Variants in DNAJC16 observed in about 807,000 individuals in gnomAD.
The protein encoded by DNAJC16 is dnaJ homolog subfamily C member 16.
A neutral mutation model predicts 92.7 loss-of-function variants in DNAJC16; 76 were observed. The observed-to-expected ratio is 0.82, with a 90% CI of 0.68 to 0.99. DNAJC16 has a LOEUF of 0.99. Ranked by LOEUF, DNAJC16 falls within the 50% of genes least tolerant of loss-of-function variation. The probability of loss-of-function intolerance (pLI) is 0.00; values close to 1 mark genes in which losing one functional copy is unlikely to be tolerated. For synonymous variants in DNAJC16, 328 were observed against 358.7 expected (o/e 0.91, Z 0.97); for missense variants, 869 against 942.4 (o/e 0.92, Z 1.02).
chr1:15,553,400 A>C (rs901713403), intron 7 of DNAJC16, among the ~76,000 whole-genome samples: 4 of 150,254 alleles, frequency 2.7e-5, no homozygotes, highest in Admixed American at 2.7e-4. Flanking sequence ...CGCCCAGCTA[A>C]TTTTTGTATT....
intron 7 of DNAJC16, among the ~76,000 whole-genome samples, chr1:15,550,574 A>AATATG (rs1638422190): frequency 6.6e-6 from 1 of 152,194 alleles, no homozygotes; most frequent in Non-Finnish European, 1.5e-5. Context: ...TGTTGCAATG[A>AATATG]ATATCATAAC....
chr1:15,559,720 A>G lies in DNAJC16; in HGVS notation c.1154+64A>G, dbSNP rs1164786728. The G allele has an allele frequency of 6.3e-6, 10 of 1,583,648 alleles. No homozygotes were observed. In the South Asian group the frequency reaches 6.8e-5, roughly 11 times the overall value. ...TAGAAGGATCATGATTCATTTTACTATAGGGTGACTAGACATCTGCCCTGT... is the reference window on the plus strand; with the variant it reads ...TAGAAGGATCATGATTCATTTTACTGTAGGGTGACTAGACATCTGCCCTGT... On this transcript the variant is annotated intron_variant, in intron 8 of 14. Coordinates refer to ENST00000375847, the MANE Select transcript of DNAJC16 (RefSeq NM_015291.4).
chr1:15,563,944 A>G lies in DNAJC16; in HGVS notation c.1354A>G (p.Arg452Gly), dbSNP rs1638751080. ...QGKSAVSILERRNTAGRVVYK... is the reference protein window; with the variant it reads ...QGKSAVSILEGRNTAGRVVYK... The stretch of plus-strand genomic sequence containing the variant: ...TTTCTTCCAGGTGTCTATTTTAGAA[A>G]GGCGCAACACAGCAGGAAGGGTGGT... Residue 452 changes from arginine to glycine, a missense_variant, in exon 10 of 15, where the codon AGG (arginine) becomes GGG (glycine). By Grantham distance (125) the Arg-to-Gly change is moderately radical. Transcript: ENST00000375847. The G allele has an allele frequency of 6.2e-7, 1 of 1,609,406 alleles. No homozygotes were observed.
intron 4 of DNAJC16, among the ~76,000 whole-genome samples, chr1:15,540,325 CA>C (rs1272049665): frequency 3.5e-5 from 5 of 141,088 alleles, no homozygotes; most frequent in Non-Finnish European, 4.6e-5. Context: ...GACTCCGTCT[CA>C]AAAAAAAAAG....
At chr1:15,539,921 A>C (rs12024833) in intron 4 of DNAJC16, among the ~76,000 whole-genome samples, 66 of 151,862 alleles carry the variant, frequency 4.3e-4, no homozygotes, top group African/African-American at 1.5e-3. Context: ...TCAGCTGCTC[A>C]GGAGGCTGAG....
At chr1:15,546,646 C>G in intron 5 of DNAJC16, 121 bp from the exon 6 acceptor site, 1 of 704,110 alleles carries the variant, frequency 1.4e-6, no homozygotes, top group South Asian at 2.1e-5. Flanking sequence ...GATTAGTTAT[C>G]TGCATTTTTA....
chr1:15,535,898 A>G (rs904576627), intron 3 of DNAJC16, among the ~76,000 whole-genome samples: 1 of 150,958 alleles, frequency 6.6e-6, no homozygotes, highest in African/African-American at 2.4e-5. Flanking sequence ...CCAAGTAGCT[A>G]GGACTATAGG....
intron 4 of DNAJC16, chr1:15,542,078 T>G (rs541538816): frequency 1.8e-4 from 28 of 152,230 alleles, no homozygotes; most frequent in African/African-American, 6.5e-4. Context: ...TTCACCCTCA[T>G]CCTCCAGAAA....
intron 7 of DNAJC16, 70 bp from the exon 8 acceptor site, chr1:15,559,455 AG>A: frequency 6.3e-7 from 1 of 1,590,524 alleles, no homozygotes; most frequent in Non-Finnish European, 8.6e-7. Context: ...TAAGCTGGTA[AG>A]TAAAGAAAGC....
In DNAJC16 at chr1:15,562,153, T is replaced by C; in HGVS notation, c.1166T>C (p.Val389Ala). 6.2e-7 allele frequency: 1 copy of C among 1,613,590 alleles called. No homozygotes were observed. Among genetic ancestry groups the C allele is most frequent in the Non-Finnish European group, 8.5e-7 (1 of 1,179,660 alleles). ...TTTTTGTTGTGCAGGTACTGTGTGG[T>C]TTTATTGACTGCTGAGACTACCAAG... The part of the protein sequence containing the change: ...RSHRQRKYCV[V>A]LLTAETTKLS... The change falls in exon 9 of 15, where the codon GTT (valine) becomes GCT (alanine). Residue 389 changes from valine (V) to alanine (A), a missense_variant. By Grantham distance (64) the Val-to-Ala change is moderately conservative. Coordinates refer to ENST00000375847, the MANE Select transcript of DNAJC16 (RefSeq NM_015291.4).
intron 2 of DNAJC16, among the ~76,000 whole-genome samples, chr1:15,532,174 A>C (rs1323355481): frequency 6.6e-6 from 1 of 152,230 alleles, no homozygotes; most frequent in Non-Finnish European, 1.5e-5. Context: ...GTGGTTATGC[A>C]ATAAACTAAC....
chr1:15,536,052 C>A (rs947769578), intron 3 of DNAJC16, among the ~76,000 whole-genome samples: 28 of 125,776 alleles, frequency 2.2e-4, no homozygotes, highest in Admixed American at 7.3e-4. Context: ...TTTTACATTT[C>A]TTTTCTTTTC....
At chr1:15,544,632 C>A in intron 5 of DNAJC16, 49 bp downstream of exon 5, 1 of 1,577,758 alleles carries the variant, frequency 6.3e-7, no homozygotes, top group Non-Finnish European at 8.6e-7. Flanking sequence ...TTAAGAGGTA[C>A]CTAGGACTGT....
In DNAJC16 at chr1:15,570,032, G is replaced by GC. The variant is rs1166431689; in HGVS notation, c.*1855_*1856insC. On this transcript the variant is annotated 3_prime_UTR_variant, in exon 15 of 15. Transcript: ENST00000375847. ...TTTAAATCTTGAGCTACATTGGTAAGTAATAAATTATTTAAGGCCAGGAAT... is the reference window on the plus strand; with the variant it reads ...TTTAAATCTTGAGCTACATTGGTAAGCTAATAAATTATTTAAGGCCAGGAAT... The GC allele has an allele frequency of 6.6e-6, 1 of 152,592 alleles. No homozygotes were observed. Among genetic ancestry groups the GC allele is most frequent in the Non-Finnish European group, 1.5e-5 (1 of 68,036 alleles). The allele number at this position is 152,592 out of a possible 1,614,324, so 9.5% of individuals were successfully genotyped here. A position where few individuals can be genotyped will look rare whatever the true frequency, so the allele number is the denominator to read the frequency against.
chr1:15,550,712 G>T (rs548695021), intron 7 of DNAJC16, among the ~76,000 whole-genome samples: 1 of 152,284 alleles, frequency 6.6e-6, no homozygotes, highest in East Asian at 1.9e-4. Context: ...TTTTCACTGT[G>T]TTGACATTTA....
intron 4 of DNAJC16, among the ~76,000 whole-genome samples, chr1:15,538,787 G>GA (rs1710855295): frequency 6.6e-6 from 1 of 152,134 alleles, no homozygotes; most frequent in Admixed American, 6.5e-5. Context: ...ATACTGTCTA[G>GA]AAAAAAAGTC....
intron 8 of DNAJC16, chr1:15,560,296 G>A (rs948030009): frequency 5.3e-5 from 8 of 152,282 alleles, no homozygotes; most frequent in African/African-American, 1.9e-4. Context: ...GAATATGGAA[G>A]AGTGACTGTC....
chr1:15,548,821 T>A (rs1039631945), intron 7 of DNAJC16, among the ~76,000 whole-genome samples: 1 of 152,196 alleles, frequency 6.6e-6, no homozygotes, highest in Admixed American at 6.5e-5. Context: ...AAAATCTTGA[T>A]AACTTGACTC....
intron 7 of DNAJC16, among the ~76,000 whole-genome samples, chr1:15,549,515 T>C (rs775356028): frequency 1.3e-5 from 2 of 152,118 alleles, no homozygotes; most frequent in Non-Finnish European, 2.9e-5. Context: ...GTGACTACAG[T>C]GCAAGAAGAT....
Sources: allele counts gnomAD v4.1 joint callset (sites outside exome capture counted in the v4.1 genomes callset), GRCh38; gene constraint gnomAD v4.1.1; transcripts MANE v1.5; gene names NCBI Gene and HGNC (gene_info 2026-07-23, HGNC 2026-07-21).